PTPRD: variants seen among roughly 807,000 people sequenced by gnomAD.
PTPRD encodes receptor-type tyrosine-protein phosphatase delta.
Under a neutral mutation model 214.5 loss-of-function variants are expected in PTPRD, and 34 were observed. The ratio of observed to expected loss-of-function variants is 0.16; its 90% confidence interval spans 0.12 to 0.21. The LOEUF (loss-of-function observed/expected upper bound fraction) is 0.21. PTPRD is among the 10% of genes least tolerant of loss of function. PTPRD has a pLI of 1.00. For synonymous variants in PTPRD, 1,128 were observed against 845.7 expected, an observed-to-expected ratio of 1.33 and a Z score of -5.79; for missense variants, 2,545 against 2,398.7, an observed-to-expected ratio of 1.06 and a Z score of -1.27.
Position 8,449,709 on chromosome 9 carries a change from G to A in PTPRD, c.3988+16C>T, listed in dbSNP as rs756657793. 5.0e-6 allele frequency: 8 copies of A among 1,607,426 alleles called. No individual in the cohort carries two copies. In the East Asian group the frequency reaches 8.9e-5, roughly 18 times the overall value. ...GGGAAAGACTGTGTGTGGATTAGAT[G>A]TGTGATGCTTCTTACCCGGTGTTTG... On this transcript the variant is annotated intron_variant, in intron 34 of 45. Coordinates refer to ENST00000381196, the MANE Select transcript of PTPRD (RefSeq NM_002839.4).
At chr9:10,263,468 A>C (rs925526127) in intron 3 of PTPRD, among the ~76,000 whole-genome samples, 1 of 152,124 alleles carries the variant, frequency 6.6e-6, no homozygotes, top group African/African-American at 2.4e-5. Flanking sequence ...TCTCAGATGG[A>C]GATGAGGAAC....
chr9:8,986,048 GTC>G (rs1323426326), intron 11 of PTPRD, among the ~76,000 whole-genome samples: 1 of 151,882 alleles, frequency 6.6e-6, no homozygotes, highest in African/African-American at 2.4e-5. Flanking sequence ...AACTTTTTGA[GTC>G]TGTTGGAAAA....
At chr9:10,522,449 AC>A (rs1409921000) in intron 2 of PTPRD, among the ~76,000 whole-genome samples, 7 of 152,186 alleles carry the variant, frequency 4.6e-5, no homozygotes, top group African/African-American at 1.7e-4. Context: ...AAGACCTCTC[AC>A]CACATGGTGT....
intron 3 of PTPRD, among the ~76,000 whole-genome samples, chr9:10,165,739 G>A (rs1471453235): frequency 1.3e-5 from 2 of 151,186 alleles, no homozygotes; most frequent in African/African-American, 4.8e-5. Context: ...AAACATTTCT[G>A]AAATATTTAA....
At chr9:9,910,288 G>C (rs182207344) in intron 5 of PTPRD, among the ~76,000 whole-genome samples, 1 of 151,892 alleles carries the variant, frequency 6.6e-6, no homozygotes. Context: ...CATAGTTTAT[G>C]AACATTTTTG....
At chr9:10,380,719 T>C (rs1223743630) in intron 2 of PTPRD, among the ~76,000 whole-genome samples, 2 of 152,000 alleles carry the variant, frequency 1.3e-5, no homozygotes, top group Non-Finnish European at 2.9e-5. Flanking sequence ...AATTGAAATA[T>C]GAACATAACC....
intron 5 of PTPRD, among the ~76,000 whole-genome samples, chr9:9,774,693 C>T (rs1001106776): frequency 1.3e-5 from 2 of 152,162 alleles, no homozygotes; most frequent in African/African-American, 4.8e-5. Flanking sequence ...GTGATGTAGG[C>T]ATTCATATAG....
At chr9:10,499,289 C>A (rs1455375885) in intron 2 of PTPRD, among the ~76,000 whole-genome samples, 2 of 151,850 alleles carry the variant, frequency 1.3e-5, no homozygotes. Flanking sequence ...GTTTGGTTTT[C>A]TGTTCTTGTG....
At chr9:9,902,210 C>G (rs1411118107) in intron 5 of PTPRD, among the ~76,000 whole-genome samples, 1 of 152,094 alleles carries the variant, frequency 6.6e-6, no homozygotes, top group Non-Finnish European at 1.5e-5. Context: ...AGCGCCCATG[C>G]ATGAATGTCT....
chr9:10,341,244 T>C (rs1356943135), intron 2 of PTPRD, among the ~76,000 whole-genome samples: 1 of 151,938 alleles, frequency 6.6e-6, no homozygotes, highest in Non-Finnish European at 1.5e-5. Flanking sequence ...ACTTAATCAG[T>C]TACTAAGGCT....
At chr9:9,554,341 C>T (rs1310421013) in intron 8 of PTPRD, among the ~76,000 whole-genome samples, 1 of 151,830 alleles carries the variant, frequency 6.6e-6, no homozygotes, top group Non-Finnish European at 1.5e-5. Context: ...TATTCTTCTG[C>T]CTCAATATTA....
intron 3 of PTPRD, among the ~76,000 whole-genome samples, chr9:10,271,346 C>T (rs1252444596): frequency 6.7e-6 from 1 of 149,656 alleles, no homozygotes; most frequent in African/African-American, 2.4e-5. Context: ...ATCAAATCTA[C>T]TGCTTATTTT....
intron 2 of PTPRD, among the ~76,000 whole-genome samples, chr9:10,345,372 C>G (rs1210769919): frequency 6.6e-6 from 1 of 152,044 alleles, no homozygotes; most frequent in Non-Finnish European, 1.5e-5. Context: ...ACCCATCAAC[C>G]TGTCATCTAC....
chr9:9,574,437 A>G (rs991424688), intron 8 of PTPRD, among the ~76,000 whole-genome samples: 1 of 152,018 alleles, frequency 6.6e-6, no homozygotes, highest in Non-Finnish European at 1.5e-5. Context: ...TTTAATGGAT[A>G]AAATTGTTAT....
chr9:9,218,937 C>G (rs1336830575), intron 9 of PTPRD, among the ~76,000 whole-genome samples: 4 of 152,050 alleles, frequency 2.6e-5, no homozygotes, highest in Non-Finnish European at 5.9e-5. Flanking sequence ...TTAACTATGT[C>G]TCATTTGTGT....
intron 7 of PTPRD, among the ~76,000 whole-genome samples, chr9:9,704,089 C>CA (rs35390668): frequency 0.79 from 119,881 of 151,966 alleles, 48,088 homozygotes; most frequent in African/African-American, 0.93. Context: ...TCTGTAAGAC[C>CA]CTGAAACCAG....
At chr9:9,505,944 C>G (rs2096560598) in intron 8 of PTPRD, among the ~76,000 whole-genome samples, 1 of 151,220 alleles carries the variant, frequency 6.6e-6, no homozygotes, top group Non-Finnish European at 1.5e-5. Flanking sequence ...ACTCTCTCAT[C>G]CCTAAGTAGG....
chr9:9,487,217 C>A (rs559680422), intron 8 of PTPRD, among the ~76,000 whole-genome samples: 38 of 151,988 alleles, frequency 2.5e-4, no homozygotes, highest in African/African-American at 7.5e-4. Context: ...CCCTTCCCCC[C>A]ACCCAACAAC....
intron 5 of PTPRD, among the ~76,000 whole-genome samples, chr9:9,927,615 T>G (rs1371522726): frequency 3.3e-5 from 5 of 152,162 alleles, no homozygotes; most frequent in African/African-American, 1.2e-4. Context: ...TGCGTGTGTG[T>G]ACATAATAAC....
Sources: allele counts gnomAD v4.1 joint callset (sites outside exome capture counted in the v4.1 genomes callset), GRCh38; gene constraint gnomAD v4.1.1; transcripts MANE v1.5; gene names NCBI Gene and HGNC (gene_info 2026-07-23, HGNC 2026-07-21).